Variants in FCHO2 observed in about 807,000 individuals in gnomAD.
FCHO2 encodes the protein F-BAR domain only protein 2.
In FCHO2, 43 loss-of-function variants were observed where a neutral mutation model predicts 114.1. The ratio of observed to expected loss-of-function variants is 0.38; its 90% CI spans 0.30 to 0.49. The LOEUF is 0.49. Ranked by LOEUF, FCHO2 falls within the 20% of genes least tolerant of loss-of-function variation. The pLI is 0.97. For missense variants in FCHO2, 807 were observed against 950.4 expected, an observed-to-expected ratio of 0.85 and a Z score of 1.98; for synonymous variants, 293 against 315.2, an observed-to-expected ratio of 0.93 and a Z score of 0.75.
chr5:73,054,467 A>G, intron 14 of FCHO2, 58 bp from the exon 15 acceptor site: 1 of 1,436,354 alleles, frequency 7.0e-7, no homozygotes. Context: ...CATTTTACCA[A>G]ATATTTAATT....
chr5:73,071,122 G>A (rs143529227), intron 19 of FCHO2, among the ~76,000 whole-genome samples: 1 of 151,934 alleles, frequency 6.6e-6, no homozygotes, highest in Non-Finnish European at 1.5e-5. Context: ...TGCTGTACAG[G>A]ATCCATTATA....
chr5:73,021,032 A>G (rs1417866751), intron 8 of FCHO2: 4 of 1,192,356 alleles, frequency 3.4e-6, no homozygotes, highest in Non-Finnish European at 5.0e-6. Context: ...GCCAAAGTTC[A>G]CATGAATCCA....
At position 73,090,363 on chromosome 5, in the gene FCHO2, TAA is replaced by T. The variant is rs1580220126; in HGVS notation, c.*2275_*2276del. ...CAAGAATTTGTAAACACAACTCTAA[TAA>T]ATGTGAGTTTTAAAGGATTGTTATT... On this transcript the variant is annotated 3_prime_UTR_variant, in exon 26 of 26. Coordinates refer to ENST00000430046, the MANE Select transcript of FCHO2 (RefSeq NM_138782.3). 2.6e-5 allele frequency: 4 copies of T among 152,744 alleles called. No homozygotes were observed. The East Asian group carries it at 7.7e-4, about 29-fold the overall frequency. The allele number at this position is 152,744 out of a possible 1,614,324, so 9.5% of individuals were successfully genotyped here.
chr5:72,999,709 C>CT lies in FCHO2; in HGVS notation c.496-6734dup, dbSNP rs373636091. Among the ~76,000 whole-genome samples, 481 of 152,104 alleles carry CT rather than the reference C, an allele frequency of 3.2e-3. 2 individuals carry two copies. In the Middle Eastern group the frequency reaches 0.034, roughly 11 times the overall value. On this transcript the variant is annotated intron_variant, in intron 5 of 25. Transcript: ENST00000430046. ...AAGCCTTCATTTTTATAAAACACCA[C>CT]TTAGTAGGTACTCATGTTTGTGGAC...
intron 11 of FCHO2, among the ~76,000 whole-genome samples, chr5:73,046,904 G>C (rs1035492919): frequency 3.3e-5 from 5 of 152,220 alleles, no homozygotes; most frequent in African/African-American, 1.2e-4. Flanking sequence ...GCTGCCCTCA[G>C]TTCTCCCTAA....
intron 2 of FCHO2, among the ~76,000 whole-genome samples, chr5:72,979,552 C>T (rs951602569): frequency 1.9e-4 from 29 of 150,058 alleles, no homozygotes; most frequent in Non-Finnish European, 3.7e-4. Context: ...CTACCACGCC[C>T]GGCTAATTTT....
rs370623006 is a variant in FCHO2, at chr5:73,023,437, C to G, written c.796+6129C>G. ...TAGTCCAAGGCTGGGCATAGTGGCT[C>G]ACGCCTGTAATCCCAGCACTTTGGG... On this transcript the variant is annotated intron_variant, in intron 8 of 25. Coordinates refer to ENST00000430046, the MANE Select transcript of FCHO2 (RefSeq NM_138782.3). Among the ~76,000 whole-genome samples the G allele has an allele frequency of 3.3e-3, 502 of 152,270 alleles. 2 individuals carry two copies. In the Middle Eastern group the frequency reaches 0.034, roughly 10 times the overall value.
intron 24 of FCHO2, among the ~76,000 whole-genome samples, chr5:73,085,565 A>G (rs62362235): frequency 6.7e-6 from 1 of 149,750 alleles, no homozygotes; most frequent in African/African-American, 2.5e-5. Flanking sequence ...ACTTGAGGCC[A>G]GGAGTTGGAG....
At chr5:73,057,966 T>C (rs1757675053) in intron 16 of FCHO2, among the ~76,000 whole-genome samples, 1 of 152,164 alleles carries the variant, frequency 6.6e-6, no homozygotes, top group Non-Finnish European at 1.5e-5. Context: ...TGTTAATTAA[T>C]TTCTACACAT....
At chr5:72,970,789 C>T (rs1302268913) in intron 2 of FCHO2, among the ~76,000 whole-genome samples, 6 of 151,630 alleles carry the variant, frequency 4.0e-5, no homozygotes, top group African/African-American at 1.5e-4. Context: ...CGTGCTGGTG[C>T]GCTGCACCCA....
In FCHO2 at chr5:73,052,362, G is replaced by T. The variant is rs776376301; in HGVS notation, c.1028G>T (p.Ser343Ile). The T allele has an allele frequency of 6.2e-7, 1 of 1,608,924 alleles. No individual in the cohort carries two copies. Among genetic ancestry groups the T allele is most frequent in the Non-Finnish European group, 8.5e-7 (1 of 1,177,536 alleles). The change falls in exon 13 of 26, where the codon AGT becomes ATT. Residue 343 changes from serine (S) to isoleucine (I), a missense_variant. By Grantham distance (142) the Ser-to-Ile change is moderately radical. Transcript: ENST00000430046. ...DTKENHFYSS[S>I]DSDSEDEEPK... is the part of the protein sequence containing the mutation. ...AAAGAGAACCATTTCTACTCATCTAGTGATTCTGACTCCGAAGATGAAGAA... is the reference window on the plus strand; with the variant it reads ...AAAGAGAACCATTTCTACTCATCTATTGATTCTGACTCCGAAGATGAAGAA...
chr5:72,965,520 A>G (rs566702001), intron 1 of FCHO2, among the ~76,000 whole-genome samples: 65 of 152,334 alleles, frequency 4.3e-4, no homozygotes, highest in African/African-American at 1.4e-3. Flanking sequence ...AAGTGCAGTA[A>G]AGCAATGCTC....
intron 2 of FCHO2, among the ~76,000 whole-genome samples, chr5:72,969,566 C>T (rs1752398278): frequency 1.3e-5 from 2 of 152,028 alleles, no homozygotes; most frequent in Non-Finnish European, 2.9e-5. Flanking sequence ...TGTTCCTTAG[C>T]CTTCCCTCTT....
At position 73,052,251 on chromosome 5, in the gene FCHO2, A is replaced by G. The variant is rs1757374570; in HGVS notation, c.998-81A>G. On this transcript the variant is annotated intron_variant, in intron 12 of 25. Transcript: ENST00000430046. The stretch of plus-strand genomic sequence containing the variant: ...AGTCTGTGTAACTCTTAAAGGTTTC[A>G]TTCCTTTTTTAAAATAAATGTGTGA... 2.9e-6 allele frequency: 4 copies of G among 1,357,030 alleles called. No individual in the cohort carries two copies. In the South Asian group the frequency reaches 5.9e-5, roughly 20 times the overall value. 84.1% of individuals were successfully genotyped at this position (1,357,030 alleles called of 1,614,324 possible).
chr5:73,080,991 T>A (rs533043595), intron 22 of FCHO2, among the ~76,000 whole-genome samples: 1 of 152,112 alleles, frequency 6.6e-6, no homozygotes, highest in Non-Finnish European at 1.5e-5. Context: ...AAGCCTGTAG[T>A]CCTAGCTAGT....
At chr5:73,084,700 C>T (rs1743235797) in intron 24 of FCHO2, among the ~76,000 whole-genome samples, 1 of 152,150 alleles carries the variant, frequency 6.6e-6, no homozygotes, top group African/African-American at 2.4e-5. Flanking sequence ...GTAGAAAGGA[C>T]CGTAAATATG....
At chr5:72,971,376 T>C (rs1752543353) in intron 2 of FCHO2, among the ~76,000 whole-genome samples, 1 of 152,124 alleles carries the variant, frequency 6.6e-6, no homozygotes, top group Non-Finnish European at 1.5e-5. Context: ...TTTCCTGACT[T>C]TTTAATGATT....
intron 15 of FCHO2, among the ~76,000 whole-genome samples, chr5:73,055,458 G>C (rs757749577): frequency 9.2e-5 from 14 of 152,124 alleles, no homozygotes; most frequent in Non-Finnish European, 2.1e-4. Flanking sequence ...ACATGAAGGT[G>C]CAGCAAAAAT....
chr5:72,996,391 A>G (rs1426837723), intron 5 of FCHO2, among the ~76,000 whole-genome samples: 1 of 152,188 alleles, frequency 6.6e-6, no homozygotes, highest in Non-Finnish European at 1.5e-5. Flanking sequence ...AAAGAATGAC[A>G]TGTATTAACG....
Sources: allele counts gnomAD v4.1 joint callset (sites outside exome capture counted in the v4.1 genomes callset), GRCh38; gene constraint gnomAD v4.1.1; transcripts MANE v1.5; gene names NCBI Gene and HGNC (gene_info 2026-07-23, HGNC 2026-07-21).